The following RGS6 variants were observed in gnomAD, a reference collection of about 807,000 sequenced individuals.
RGS6 encodes the protein regulator of G protein signaling 6, also known as regulator of G-protein signaling 6.
RGS6 carries 30 observed loss-of-function variants against 78.5 expected under a neutral mutation model. That is an observed-to-expected ratio of 0.38 (90% CI 0.29 to 0.52). The LOEUF (loss-of-function observed/expected upper bound fraction) is 0.52. RGS6 is among the 20% of genes least tolerant of loss of function. RGS6 has a pLI of 0.85. For synonymous variants in RGS6, 206 were observed against 206.0 expected (o/e 1.00, Z 0.00); for missense variants, 495 against 609.7 (o/e 0.81, Z 1.98).
At chr14:72,485,080 G>A (rs1253288089) in intron 12 of RGS6, among the ~76,000 whole-genome samples, 2 of 152,040 alleles carry the variant, frequency 1.3e-5, no homozygotes, top group Non-Finnish European at 2.9e-5. Flanking sequence ...TCACAGATCA[G>A]CATCTTCTAG....
chr14:72,589,650 C>T, the RGS6 span, among the ~76,000 whole-genome samples: 1 of 152,328 alleles, frequency 6.6e-6, no homozygotes, highest in African/African-American at 2.4e-5. Flanking sequence ...CCTTGTTACT[C>T]TGCTTCTGGG....
the RGS6 span, among the ~76,000 whole-genome samples, chr14:71,875,776 G>T: frequency 6.6e-6 from 1 of 152,060 alleles, no homozygotes; most frequent in Non-Finnish European, 1.5e-5. Flanking sequence ...TCTCTTGTGG[G>T]CATTTAGTGC....
chr14:72,402,623 CA>C (rs555209404), intron 3 of RGS6, among the ~76,000 whole-genome samples: 1 of 150,638 alleles, frequency 6.6e-6, no homozygotes, highest in Non-Finnish European at 1.5e-5. Flanking sequence ...GACAAGGATG[CA>C]AAAAAAACCC....
At chr14:72,308,637 G>A (rs111344387) in intron 2 of RGS6, among the ~76,000 whole-genome samples, 2,431 of 152,240 alleles carry the variant, frequency 0.016, 70 homozygotes, top group African/African-American at 0.056. Context: ...ATATATTTGA[G>A]CAAATACTAA....
chr14:72,339,224 C>T (rs2076553683), intron 2 of RGS6, among the ~76,000 whole-genome samples: 1 of 152,106 alleles, frequency 6.6e-6, no homozygotes, highest in South Asian at 2.1e-4. Flanking sequence ...TGTTCTACCT[C>T]CATGAATGAG....
At chr14:72,023,350 C>T (rs1216176742) in intron 2 of RGS6, among the ~76,000 whole-genome samples, 2 of 152,190 alleles carry the variant, frequency 1.3e-5, no homozygotes, top group Admixed American at 6.5e-5. Flanking sequence ...CTGATGATGG[C>T]ACTATTCCAG....
chr14:72,589,246 G>A, the RGS6 span, among the ~76,000 whole-genome samples: 2 of 152,266 alleles, frequency 1.3e-5, no homozygotes, highest in South Asian at 2.1e-4. Context: ...TGCTGGGGGC[G>A]CTTAAAATTG....
chr14:71,882,769 G>C, the RGS6 span, among the ~76,000 whole-genome samples: 8 of 152,218 alleles, frequency 5.3e-5, no homozygotes, highest in Non-Finnish European at 1.5e-5. Flanking sequence ...GAAAGAAAGA[G>C]AAAATCTGTT....
chr14:72,065,568 T>C (rs1021012597), intron 2 of RGS6, among the ~76,000 whole-genome samples: 1 of 152,186 alleles, frequency 6.6e-6, no homozygotes, highest in African/African-American at 2.4e-5. Flanking sequence ...AATGATCTTT[T>C]TCTATTGCCA....
At chr14:72,080,991 G>A (rs950251173) in intron 2 of RGS6, among the ~76,000 whole-genome samples, 1 of 152,044 alleles carries the variant, frequency 6.6e-6, no homozygotes, top group Non-Finnish European at 1.5e-5. Context: ...AGATTGCTTG[G>A]CTCTTTGGGG....
intron 3 of RGS6, among the ~76,000 whole-genome samples, chr14:72,396,814 TTTC>T (rs1468329730): frequency 1.5e-4 from 23 of 152,366 alleles, no homozygotes; most frequent in Non-Finnish European, 3.4e-4. Context: ...CCTTTCCCCA[TTTC>T]TTCTTTTTGT....
intron 2 of RGS6, among the ~76,000 whole-genome samples, chr14:72,094,055 A>G (rs951143699): frequency 3.3e-5 from 5 of 152,210 alleles, no homozygotes; most frequent in Non-Finnish European, 7.3e-5. Context: ...TGAAAAAAAT[A>G]TAAGGCTTAT....
chr14:72,389,434 T>A (rs114532362), intron 3 of RGS6, among the ~76,000 whole-genome samples: 1 of 152,036 alleles, frequency 6.6e-6, no homozygotes, highest in Non-Finnish European at 1.5e-5. Flanking sequence ...CCCTTGGGGG[T>A]AGGCCAGGAC....
At chr14:72,017,979 G>T (rs915939305) in intron 2 of RGS6, among the ~76,000 whole-genome samples, 59 of 152,152 alleles carry the variant, frequency 3.9e-4, no homozygotes, top group African/African-American at 1.4e-3. Flanking sequence ...ATGTGTCCAT[G>T]TATTCTCATT....
rs551363465 is a variant in RGS6 at position 72,312,180 on chromosome 14, G to C, written c.85-39915G>C. ...GTGTACTCTGGTGTTCGGTATTAAA[G>C]CTTCTACATGAATTTATAGAGTTGC... On this transcript the variant is annotated intron_variant, in intron 2 of 17. Coordinates refer to ENST00000553525, the MANE Select transcript of RGS6 (RefSeq NM_001204424.2). Among the ~76,000 whole-genome samples the C allele has an allele frequency of 2.7e-5, 4 of 150,608 alleles. No individual in the cohort carries two copies. In the East Asian group the frequency reaches 7.9e-4, roughly 30 times the overall value.
chr14:71,918,906 G>C, the RGS6 span, among the ~76,000 whole-genome samples: 2 of 152,030 alleles, frequency 1.3e-5, no homozygotes, highest in Admixed American at 6.6e-5. Flanking sequence ...TGGTAAGCAG[G>C]GTGTTGAGTT....
At chr14:72,157,450 C>G (rs995049161) in intron 2 of RGS6, among the ~76,000 whole-genome samples, 3 of 152,204 alleles carry the variant, frequency 2.0e-5, no homozygotes, top group Admixed American at 6.5e-5. Flanking sequence ...TGTCCCTTGA[C>G]TACCAGTAGC....
At chr14:71,962,925 G>A (rs919864918) in intron 1 of RGS6, among the ~76,000 whole-genome samples, 6 of 152,178 alleles carry the variant, frequency 3.9e-5, no homozygotes, top group South Asian at 2.1e-4. Context: ...TTTCTGTCAC[G>A]TATGGTATTT....
intron 3 of RGS6, among the ~76,000 whole-genome samples, chr14:72,373,674 C>T (rs544942906): frequency 5.3e-5 from 8 of 152,100 alleles, no homozygotes; most frequent in Non-Finnish European, 1.0e-4. Context: ...TGGAAATAAT[C>T]GTTTTGTCTT....
Sources: gnomAD v4.1 joint callset for allele counts (sites outside exome capture counted in the v4.1 genomes callset) on GRCh38, gnomAD v4.1.1 for gene constraint, MANE v1.5 for transcripts, NCBI Gene and HGNC (gene_info 2026-07-23, HGNC 2026-07-21) for gene names.